Variants in APTX observed in about 807,000 individuals in gnomAD.
APTX encodes the protein aprataxin.
In APTX, 33 loss-of-function variants were observed where a neutral mutation model predicts 42.3. The observed-to-expected ratio is 0.78, with a 90% confidence interval of 0.59 to 1.04. The LOEUF (loss-of-function observed/expected upper bound fraction) is 1.04, where lower values mean the gene tolerates loss of function less well. Ranked by LOEUF, APTX falls within the 50% of genes least tolerant of loss-of-function variation. The pLI is 0.00. For missense variants in APTX, 421 were observed against 415.1 expected (o/e 1.01, Z -0.12); for synonymous variants, 130 against 146.7 (o/e 0.89, Z 0.82).
Position 32,988,074 on chromosome 9 carries a change from T to A in APTX, c.180+9A>T. Reference sequence around the variant, plus strand: ...CGAGTATAAAATTCCAAGTTATAAATACACCTACCTGCTTTACCTTGACAT... The same window carrying A: ...CGAGTATAAAATTCCAAGTTATAAAAACACCTACCTGCTTTACCTTGACAT... On this transcript the variant is annotated intron_variant, in intron 3 of 7. Transcript: ENST00000379817. 6.2e-7 allele frequency: 1 copy of A among 1,613,566 alleles called. No individual in the cohort carries two copies. The highest frequency in any genetic ancestry group is 8.5e-7 in the Non-Finnish European group (1 of 1,179,486).
Position 32,987,838 on chromosome 9 carries a change from G to T in APTX, c.189C>A (p.Val63=). 1 of 1,613,310 alleles carries T rather than the reference G, an allele frequency of 6.2e-7. No homozygotes were observed. The highest frequency in any genetic ancestry group is 1.1e-5 in the South Asian group (1 of 91,022). The change falls in exon 4 of 8, where the codon GTC becomes GTA. Residue 63 remains valine, a synonymous_variant. Coordinates refer to ENST00000379817, the MANE Select transcript of APTX (RefSeq NM_001195248.2). ...CGACTGAGTCAATGCTGGTGGGATT[G>T]ACTCCTACCTATGGAATAAACAATC... The part of the protein sequence containing the change: ...KGYVKVKQVG[V]NPTSIDSVVI...
chr9:32,978,606 T>G (rs1324902709), intron 6 of APTX, among the ~76,000 whole-genome samples: 1 of 152,198 alleles, frequency 6.6e-6, no homozygotes, highest in African/African-American at 2.4e-5. Context: ...TGAAGATACC[T>G]ACTTTACAGG....
intron 1 of APTX, among the ~76,000 whole-genome samples, chr9:32,990,981 C>G (rs753398986): frequency 6.6e-6 from 1 of 151,948 alleles, no homozygotes; most frequent in Non-Finnish European, 1.5e-5. Flanking sequence ...GGCTGGAGTG[C>G]AATGGCACAA....
intron 1 of APTX, among the ~76,000 whole-genome samples, chr9:33,013,802 T>TA (rs1369076647): frequency 2.0e-5 from 3 of 152,146 alleles, no homozygotes; most frequent in Non-Finnish European, 4.4e-5. Context: ...AGACTCCGTC[T>TA]AAAAAACAAA....
Position 32,984,784 on chromosome 9 carries a change from G to C in APTX, c.617C>G (p.Pro206Arg). Residue 206 changes from proline to arginine, a missense_variant, in exon 6 of 8, where the codon CCG (proline) becomes CGG (arginine). By Grantham distance (103) the Pro-to-Arg change is moderately radical. Transcript: ENST00000379817. Reference sequence around the variant, plus strand: ...CTTCAGACTGGAAATGGAGGTCCACGGTAAGACCAGCCAATGGTAACGGGC... The same window carrying C: ...CTTCAGACTGGAAATGGAGGTCCACCGTAAGACCAGCCAATGGTAACGGGC... ...PKARYHWLVL[P>R]WTSISSLKAV... The C allele has an allele frequency of 6.2e-7, 1 of 1,614,172 alleles. No homozygotes were observed. The highest frequency in any genetic ancestry group is 8.5e-7 in the Non-Finnish European group (1 of 1,180,024).
At chr9:32,988,487 T>A (rs1281874296) in intron 2 of APTX, among the ~76,000 whole-genome samples, 1 of 151,988 alleles carries the variant, frequency 6.6e-6, no homozygotes, top group Non-Finnish European at 1.5e-5. Flanking sequence ...TCTCCCAGCC[T>A]GGGCAGCATG....
chr9:32,992,302 A>G (rs954939680), intron 1 of APTX, among the ~76,000 whole-genome samples: 1 of 152,262 alleles, frequency 6.6e-6, no homozygotes, highest in African/African-American at 2.4e-5. Context: ...TGCAAGGCAA[A>G]GTGAGCAAAT....
chr9:33,000,984 A>G (rs1836282156), intron 1 of APTX, among the ~76,000 whole-genome samples: 1 of 151,478 alleles, frequency 6.6e-6, no homozygotes, highest in Admixed American at 6.6e-5. Context: ...AGTAGCTGGG[A>G]TTACAGGCAT....
chr9:33,014,723 A>G (rs1440419948), intron 1 of APTX, among the ~76,000 whole-genome samples: 1 of 152,254 alleles, frequency 6.6e-6, no homozygotes, highest in Non-Finnish European at 1.5e-5. Flanking sequence ...CTAAGCCATG[A>G]TCACCAAGAC....
At chr9:33,017,151 A>G (rs1438129380) in intron 1 of APTX, among the ~76,000 whole-genome samples, 2 of 152,190 alleles carry the variant, frequency 1.3e-5, no homozygotes, top group East Asian at 3.8e-4. Context: ...TGTGGACACT[A>G]ATTATCCAAC....
chr9:33,001,510 G>C, intron 1 of APTX, 57 bp downstream of exon 1: 1 of 1,611,800 alleles, frequency 6.2e-7, no homozygotes, highest in Non-Finnish European at 8.5e-7. Context: ...TCGGCCGAAC[G>C]CTCACCCGCG....
upstream of APTX, among the ~76,000 whole-genome samples, chr9:33,005,060 A>C (rs147431723): frequency 1.3e-5 from 2 of 151,990 alleles, no homozygotes; most frequent in African/African-American, 4.8e-5. Flanking sequence ...CTTCCTGTCT[A>C]TTTGTATGTA....
chr9:32,987,388 A>T (rs1832445751), intron 4 of APTX, among the ~76,000 whole-genome samples, 156 bp downstream of exon 4: 1 of 152,260 alleles, frequency 6.6e-6, no homozygotes, highest in Non-Finnish European at 1.5e-5. Context: ...ATAAAGGAAC[A>T]TTCATCCAAA....
In APTX at chr9:32,989,838, T is replaced by A. The variant is rs1563972483; in HGVS notation, c.54A>T (p.Arg18Ser). 6.2e-7 allele frequency: 1 copy of A among 1,614,252 alleles called. No individual in the cohort carries two copies. Among genetic ancestry groups the A allele is most frequent in the Non-Finnish European group, 8.5e-7 (1 of 1,180,046 alleles). Residue 18 changes from arginine (R) to serine (S), a missense_variant, in exon 2 of 8, where the codon AGA (arginine) becomes AGT (serine). By Grantham distance (110) the Arg-to-Ser change is moderately radical. Coordinates refer to ENST00000379817, the MANE Select transcript of APTX (RefSeq NM_001195248.2). ...VRQDSRHQRI[R>S]LPHLEAVVIG... ...TCACAACTGCTTCCAAATGTGGAAG[T>A]CTGATTCGCTGGTGCCGGCTGTCCT... is the stretch of plus-strand genomic sequence containing the variant.
intron 1 of APTX, among the ~76,000 whole-genome samples, chr9:33,000,845 CTTT>C (rs74178838): frequency 6.1e-5 from 6 of 98,804 alleles, no homozygotes; most frequent in South Asian, 3.5e-4. Context: ...TTTTTTTTTT[CTTT>C]TTTTTTTTTT....
intron 1 of APTX, among the ~76,000 whole-genome samples, chr9:32,996,663 A>C (rs1483633630): frequency 6.6e-6 from 1 of 152,192 alleles, no homozygotes; most frequent in Non-Finnish European, 1.5e-5. Flanking sequence ...TAAAGCCTTC[A>C]TTGAGCTGTC....
At chr9:32,982,823 T>C (rs911671685) in intron 6 of APTX, among the ~76,000 whole-genome samples, 8 of 152,190 alleles carry the variant, frequency 5.3e-5, no homozygotes, top group Non-Finnish European at 8.8e-5. Flanking sequence ...TATGGGTGAC[T>C]TTCCCTCCTA....
chr9:32,983,151 G>A (rs1359826770), intron 6 of APTX, among the ~76,000 whole-genome samples: 1 of 151,720 alleles, frequency 6.6e-6, no homozygotes. Flanking sequence ...GCCCAGACTG[G>A]GATCCCTAAA....
upstream of APTX, among the ~76,000 whole-genome samples, chr9:33,004,472 T>G (rs1836979673): frequency 6.6e-6 from 1 of 152,246 alleles, no homozygotes; most frequent in African/African-American, 2.4e-5. Context: ...TTTCAATTAT[T>G]TTGAATATAT....
Sources: allele counts gnomAD v4.1 joint callset (sites outside exome capture counted in the v4.1 genomes callset), GRCh38; gene constraint gnomAD v4.1.1; transcripts MANE v1.5; gene names NCBI Gene and HGNC (gene_info 2026-07-23, HGNC 2026-07-21).